The following GABBR2 variants were observed in gnomAD, a reference collection of about 807,000 sequenced individuals.
The protein encoded by GABBR2 is G-protein coupled receptor 51.
In GABBR2, 23 loss-of-function variants were observed where a neutral mutation model predicts 105.6. The ratio of observed to expected loss-of-function variants is 0.22; its 90% CI spans 0.16 to 0.31. The LOEUF (loss-of-function observed/expected upper bound fraction) is 0.31. GABBR2 is among the 10% of genes least tolerant of loss of function. GABBR2 has a pLI of 1.00. For synonymous variants in GABBR2, 478 were observed against 499.7 expected, an observed-to-expected ratio of 0.96 and a Z score of 0.58; for missense variants, 734 against 1,245.5, an observed-to-expected ratio of 0.59 and a Z score of 6.18.
intron 7 of GABBR2, among the ~76,000 whole-genome samples, chr9:98,433,914 T>C (rs1429083365): frequency 6.6e-6 from 1 of 152,056 alleles, no homozygotes; most frequent in Non-Finnish European, 1.5e-5. Flanking sequence ...ATGGTTAATA[T>C]TGAATGTCAA....
In GABBR2 at chr9:98,531,921, G is replaced by A. The variant is rs570893229; in HGVS notation, c.630+9952C>T. Among the ~76,000 whole-genome samples the A allele has an allele frequency of 2.1e-4, 32 of 152,172 alleles. No homozygotes were observed. The South Asian group carries it at 6.6e-3, about 32-fold the overall frequency. Reference sequence around the variant, plus strand: ...TAAGTGCTTTTTATTCATCCCAGTGGTCCCCAAACTTCAGTCACTCCTGCA... The same window carrying A: ...TAAGTGCTTTTTATTCATCCCAGTGATCCCCAAACTTCAGTCACTCCTGCA... On this transcript the variant is annotated intron_variant, in intron 3 of 18. Transcript: ENST00000259455.
intron 7 of GABBR2, among the ~76,000 whole-genome samples, chr9:98,414,564 T>C (rs1186852931): frequency 2.6e-5 from 4 of 152,234 alleles, no homozygotes; most frequent in African/African-American, 7.2e-5. Context: ...ATCTAAGTCC[T>C]ATAGACTTAA....
At chr9:98,619,128 T>C (rs1209630947) in intron 1 of GABBR2, among the ~76,000 whole-genome samples, 1 of 151,878 alleles carries the variant, frequency 6.6e-6, no homozygotes. Context: ...AGGGTAAATA[T>C]TAAAAGAATA....
At position 98,303,300 on chromosome 9, in the gene GABBR2, T is replaced by C; in HGVS notation, c.2353A>G (p.Thr785Ala). 1 of 1,614,200 alleles carries C rather than the reference T, an allele frequency of 6.2e-7. No individual in the cohort carries two copies. The highest frequency in any genetic ancestry group is 8.5e-7 in the Non-Finnish European group (1 of 1,180,016). The change falls in exon 16 of 19, where the codon ACA becomes GCA. Residue 785 changes from threonine (T) to alanine (A), a missense_variant. This residue lies in a region of GABBR2 where 91 missense variants were observed against 185.9 expected (regional missense o/e 0.49). Transcript: ENST00000259455. ...GACTGTAGGCCCTCCAGGCGGGATG[T>C]GCTGGCTTGGTTCACACTGGTGACC... is the stretch of plus-strand genomic sequence containing the variant. ...TSVTSVNQAS[T>A]SRLEGLQSEN...
chr9:98,561,659 G>A (rs561001338), intron 2 of GABBR2, among the ~76,000 whole-genome samples: 1 of 152,270 alleles, frequency 6.6e-6, no homozygotes, highest in East Asian at 1.9e-4. Flanking sequence ...GAGGCAGGAG[G>A]CTCGATTGAG....
chr9:98,575,584 A>C (rs571406945), intron 2 of GABBR2, among the ~76,000 whole-genome samples: 2 of 152,182 alleles, frequency 1.3e-5, no homozygotes, highest in Non-Finnish European at 2.9e-5. Flanking sequence ...GAGGCAGCAC[A>C]TGGCTCTAAC....
chr9:98,614,454 G>A (rs1425837435), intron 1 of GABBR2, among the ~76,000 whole-genome samples: 1 of 152,188 alleles, frequency 6.6e-6, no homozygotes, highest in Non-Finnish European at 1.5e-5. Flanking sequence ...GACCCTGGGA[G>A]GCAGAGGTTG....
At chr9:98,571,259 A>T (rs61507313) in intron 2 of GABBR2, among the ~76,000 whole-genome samples, 8,452 of 152,204 alleles carry the variant, frequency 0.056, 773 homozygotes, top group African/African-American at 0.19. Context: ...CGGCAAGGTG[A>T]TGGTGCACTC....
At chr9:98,514,726 C>G (rs1404067394) in intron 3 of GABBR2, among the ~76,000 whole-genome samples, 1 of 151,530 alleles carries the variant, frequency 6.6e-6, no homozygotes, top group Non-Finnish European at 1.5e-5. Flanking sequence ...GTGCAGCACA[C>G]CAACATGGCA....
intron 3 of GABBR2, among the ~76,000 whole-genome samples, chr9:98,535,873 T>C (rs7857537): frequency 0.074 from 11,262 of 151,902 alleles, 834 homozygotes; most frequent in African/African-American, 0.19. Context: ...TTTAGGGTGG[T>C]GAAAATACTC....
At chr9:98,536,433 G>C (rs1231045736) in intron 3 of GABBR2, among the ~76,000 whole-genome samples, 2 of 152,162 alleles carry the variant, frequency 1.3e-5, no homozygotes, top group Non-Finnish European at 2.9e-5. Context: ...AGAATAACTT[G>C]GTGAGGATGG....
intron 1 of GABBR2, among the ~76,000 whole-genome samples, chr9:98,689,865 T>G (rs1411543235): frequency 6.6e-6 from 1 of 152,320 alleles, no homozygotes; most frequent in East Asian, 1.9e-4. Context: ...ATGTGGGCCT[T>G]AAATCTACTC....
chr9:98,530,052 A>G (rs1564105336), intron 3 of GABBR2, among the ~76,000 whole-genome samples: 1 of 152,168 alleles, frequency 6.6e-6, no homozygotes, highest in Non-Finnish European at 1.5e-5. Flanking sequence ...TGGGGGAGAA[A>G]CCACAGCCAG....
chr9:98,384,211 A>G (rs1832030705), intron 11 of GABBR2, among the ~76,000 whole-genome samples: 1 of 152,226 alleles, frequency 6.6e-6, no homozygotes, highest in African/African-American at 2.4e-5. Flanking sequence ...TGGACAGATC[A>G]TAGTCAATGT....
chr9:98,329,268 A>G (rs1830981210), intron 13 of GABBR2, among the ~76,000 whole-genome samples: 1 of 152,252 alleles, frequency 6.6e-6, no homozygotes, highest in Non-Finnish European at 1.5e-5. Flanking sequence ...TTAGTCACCT[A>G]TCTGACTCTG....
chr9:98,694,690 A>C (rs1830726308), intron 1 of GABBR2, among the ~76,000 whole-genome samples: 1 of 152,198 alleles, frequency 6.6e-6, no homozygotes, highest in African/African-American at 2.4e-5. Context: ...TTATATCTGC[A>C]CCACTTTACA....
chr9:98,638,149 A>G (rs545866808), intron 1 of GABBR2, among the ~76,000 whole-genome samples: 1 of 152,316 alleles, frequency 6.6e-6, no homozygotes, highest in Admixed American at 6.5e-5. Context: ...AGGAGCTAAA[A>G]TTAACAGTAA....
chr9:98,625,876 C>T (rs761841282), intron 1 of GABBR2, among the ~76,000 whole-genome samples: 9 of 152,130 alleles, frequency 5.9e-5, no homozygotes, highest in African/African-American at 1.9e-4. Flanking sequence ...CTCAGGGAGG[C>T]GAAGGGAGCC....
intron 4 of GABBR2, among the ~76,000 whole-genome samples, chr9:98,488,633 CT>C (rs11374476): frequency 1.5e-4 from 22 of 149,960 alleles, no homozygotes; most frequent in South Asian, 2.1e-4. Flanking sequence ...TTCCCTAGCA[CT>C]TTTTTTTTTA....
Sources: gnomAD v4.1 joint callset for allele counts (sites outside exome capture counted in the v4.1 genomes callset) on GRCh38, gnomAD v4.1.1 for gene constraint, gnomAD v4.1.1 regional missense constraint, MANE v1.5 for transcripts, NCBI Gene and HGNC (gene_info 2026-07-23, HGNC 2026-07-21) for gene names.